LRRC3B: variants seen among roughly 807,000 people sequenced by gnomAD.
LRRC3B encodes the protein leucine rich repeat containing 3B.
LRRC3B carries 2 observed loss-of-function variants against 12.8 expected under a neutral mutation model. The observed-to-expected ratio is 0.16, with a 90% CI of 0.06 to 0.49. The LOEUF (loss-of-function observed/expected upper bound fraction) is 0.49, where lower values mean the gene tolerates loss of function less well. Among genes scored for constraint, LRRC3B ranks in the 20% least tolerant of loss-of-function variants. The probability of loss-of-function intolerance (pLI) is 0.96; values close to 1 mark genes in which losing one functional copy is unlikely to be tolerated. For synonymous variants in LRRC3B, 132 were observed against 122.0 expected (o/e 1.08, Z -0.54); for missense variants, 189 against 319.4 (o/e 0.59, Z 3.11).
chr3:26,671,983 A>G (rs74813770), intron 1 of LRRC3B, among the ~76,000 whole-genome samples: 4,648 of 152,288 alleles, frequency 0.031, 111 homozygotes, highest in South Asian at 0.048. Context: ...TAGTAAAGTA[A>G]CAATGACTCA....
chr3:26,682,171 G>A (rs766980018), intron 1 of LRRC3B, among the ~76,000 whole-genome samples: 1 of 152,124 alleles, frequency 6.6e-6, no homozygotes, highest in East Asian at 1.9e-4. Context: ...GAGCAAAACC[G>A]CGAATAAGAG....
chr3:26,635,274 T>C (rs997856230), intron 1 of LRRC3B, among the ~76,000 whole-genome samples: 1 of 152,142 alleles, frequency 6.6e-6, no homozygotes, highest in African/African-American at 2.4e-5. Context: ...GTTCCTCTCC[T>C]CTGAGGTGGA....
chr3:26,663,827 A>G (rs796568229), intron 1 of LRRC3B, among the ~76,000 whole-genome samples: 13 of 152,166 alleles, frequency 8.5e-5, no homozygotes, highest in African/African-American at 3.1e-4. Flanking sequence ...TTGGGCTCCT[A>G]CATATTTCCT....
chr3:26,622,838 G>T (rs1698543274), exon 1 of LRRC3B: 1 of 152,236 alleles, frequency 6.6e-6, no homozygotes, highest in Admixed American at 6.5e-5. Context: ...CTGGGCAAGC[G>T]GCGCTTTGCC....
intron 1 of LRRC3B, among the ~76,000 whole-genome samples, chr3:26,700,423 T>C (rs1700425254): frequency 6.6e-6 from 1 of 152,142 alleles, no homozygotes; most frequent in South Asian, 2.1e-4. Context: ...GAGATGCAGG[T>C]CCTTTCCTGC....
At chr3:26,662,186 G>A (rs992079596) in intron 1 of LRRC3B, among the ~76,000 whole-genome samples, 1 of 151,920 alleles carries the variant, frequency 6.6e-6, no homozygotes, top group African/African-American at 2.4e-5. Flanking sequence ...ATGCTAACTT[G>A]TCCTATCTTA....
intron 1 of LRRC3B, among the ~76,000 whole-genome samples, chr3:26,651,081 G>A (rs1048634447): frequency 1.4e-4 from 21 of 152,146 alleles, no homozygotes; most frequent in African/African-American, 4.8e-4. Context: ...TTTGGTGAGC[G>A]CACATTTTGT....
At chr3:26,695,013 T>A (rs1700276440) in intron 1 of LRRC3B, among the ~76,000 whole-genome samples, 2 of 151,938 alleles carry the variant, frequency 1.3e-5, no homozygotes, top group Non-Finnish European at 2.9e-5. Flanking sequence ...AATTTGTTCT[T>A]GTTTTTCCAC....
intron 1 of LRRC3B, among the ~76,000 whole-genome samples, chr3:26,696,703 T>TATCTCATCC (rs1426776273): frequency 1.3e-5 from 2 of 152,202 alleles, no homozygotes; most frequent in Non-Finnish European, 2.9e-5. Flanking sequence ...ACCACATTTC[T>TATCTCATCC]ATCTCATCCT....
intron 1 of LRRC3B, among the ~76,000 whole-genome samples, chr3:26,643,251 T>A (rs1699069926): frequency 8.6e-6 from 1 of 115,714 alleles, no homozygotes; most frequent in African/African-American, 3.5e-5. Flanking sequence ...CACACATATG[T>A]GTGAGTGTGT....
intron 1 of LRRC3B, among the ~76,000 whole-genome samples, chr3:26,699,493 T>C (rs1007492521): frequency 1.3e-5 from 2 of 152,138 alleles, no homozygotes; most frequent in South Asian, 4.1e-4. Flanking sequence ...GAGTCTTCAT[T>C]TTGGATCTCA....
At chr3:26,706,679 T>A (rs1200926387) in intron 1 of LRRC3B, among the ~76,000 whole-genome samples, 1 of 152,176 alleles carries the variant, frequency 6.6e-6, no homozygotes, top group Non-Finnish European at 1.5e-5. Context: ...CCATGACCAT[T>A]GGACTGATCA....
intron 1 of LRRC3B, among the ~76,000 whole-genome samples, chr3:26,631,585 C>G (rs150914236): frequency 6.6e-6 from 1 of 152,160 alleles, no homozygotes; most frequent in African/African-American, 2.4e-5. Context: ...GAGAAGATAA[C>G]AGAATGTCCC....
At chr3:26,625,239 T>G (rs1327115940) in intron 1 of LRRC3B, 1 of 152,260 alleles carries the variant, frequency 6.6e-6, no homozygotes, top group Non-Finnish European at 1.5e-5. Flanking sequence ...AGCAGTTCCT[T>G]TTTCTGGGTC....
chr3:26,626,747 G>A (rs1698635191), intron 1 of LRRC3B, among the ~76,000 whole-genome samples: 1 of 151,836 alleles, frequency 6.6e-6, no homozygotes, highest in African/African-American at 2.4e-5. Flanking sequence ...GACTCTTTTT[G>A]CAAAAATAAA....
At chr3:26,662,701 T>C (rs1699518470) in intron 1 of LRRC3B, among the ~76,000 whole-genome samples, 1 of 152,130 alleles carries the variant, frequency 6.6e-6, no homozygotes, top group South Asian at 2.1e-4. Flanking sequence ...GTGGCTACTT[T>C]GGTGGTAGGA....
chr3:26,689,781 A>G (rs1369167588), intron 1 of LRRC3B, among the ~76,000 whole-genome samples: 1 of 152,188 alleles, frequency 6.6e-6, no homozygotes, highest in Non-Finnish European at 1.5e-5. Context: ...AGCACAGACT[A>G]TATTATTTGC....
At chr3:26,635,152 A>G (rs1698839324) in intron 1 of LRRC3B, among the ~76,000 whole-genome samples, 1 of 152,116 alleles carries the variant, frequency 6.6e-6, no homozygotes, top group Non-Finnish European at 1.5e-5. Context: ...TCTGAGCCTC[A>G]AGCCACCTGG....
intron 1 of LRRC3B, among the ~76,000 whole-genome samples, chr3:26,656,925 A>C (rs924368236): frequency 2.0e-5 from 3 of 152,224 alleles, no homozygotes; most frequent in African/African-American, 7.2e-5. Context: ...AATAGAATCC[A>C]AGTTCAGATT....
Sources: allele counts gnomAD v4.1 joint callset (sites outside exome capture counted in the v4.1 genomes callset), GRCh38; gene constraint gnomAD v4.1.1; transcripts MANE v1.5; gene names NCBI Gene and HGNC (gene_info 2026-07-23, HGNC 2026-07-21).